DIAPH2: variants seen among roughly 807,000 people sequenced by gnomAD.
DIAPH2 encodes the protein protein diaphanous homolog 2.
Under a neutral mutation model 92.7 loss-of-function variants are expected in DIAPH2, and 35 were observed. The ratio of observed to expected loss-of-function variants is 0.38; its 90% CI spans 0.29 to 0.50. The LOEUF (loss-of-function observed/expected upper bound fraction) is 0.50, where lower values mean the gene tolerates loss of function less well. Among genes scored for constraint, DIAPH2 ranks in the 20% least tolerant of loss-of-function variants. The probability of loss-of-function intolerance (pLI) is 0.94; values close to 1 mark genes in which losing one functional copy is unlikely to be tolerated. For synonymous variants in DIAPH2, 301 were observed against 280.4 expected (o/e 1.07, Z -0.73); for missense variants, 701 against 819.5 (o/e 0.86, Z 1.77).
chrX:96,952,368 T>A (rs1336090749), intron 15 of DIAPH2, among the ~76,000 whole-genome samples: 1 of 112,045 alleles, frequency 8.9e-6, no homozygotes, highest in South Asian at 3.7e-4. Context: ...CTATGAGTGT[T>A]AGTTTTAATA....
chrX:97,236,339 T>C (rs960225219), intron 22 of DIAPH2, among the ~76,000 whole-genome samples: 1 of 111,570 alleles, frequency 9.0e-6, no homozygotes, highest in Non-Finnish European at 1.9e-5. Context: ...TCAACAAGGC[T>C]AACATTATTT....
chrX:97,043,929 G>A (rs1024899477), intron 17 of DIAPH2, among the ~76,000 whole-genome samples: 3 of 111,963 alleles, frequency 2.7e-5, no homozygotes, highest in African/African-American at 6.5e-5. Context: ...CAGAACAACA[G>A]AAATAAGCTT....
intron 10 of DIAPH2, among the ~76,000 whole-genome samples, chrX:96,931,630 G>A (rs970833292): frequency 7.3e-5 from 8 of 110,292 alleles, no homozygotes; most frequent in Admixed American, 3.9e-4. Flanking sequence ...AACAACAAAT[G>A]TCATTGAATG....
At chrX:96,750,703 C>G (rs1049290626) in intron 3 of DIAPH2, among the ~76,000 whole-genome samples, 1 of 112,581 alleles carries the variant, frequency 8.9e-6, no homozygotes, top group Non-Finnish European at 1.9e-5. Context: ...CTAGCAAATA[C>G]TATAAGGTGA....
chrX:97,192,312 AAAG>A (rs1479536750), intron 22 of DIAPH2, among the ~76,000 whole-genome samples: 178 of 91,225 alleles, frequency 2.0e-3, no homozygotes, highest in African/African-American at 0.011. Context: ...AAAAAAAAAA[AAAG>A]AAAAGAAAAG....
chrX:96,813,079 T>C (rs1018854547), intron 4 of DIAPH2, among the ~76,000 whole-genome samples: 2 of 111,539 alleles, frequency 1.8e-5, no homozygotes, highest in Non-Finnish European at 3.8e-5. Flanking sequence ...ATATCCTTGT[T>C]AACCTGCTGT....
chrX:96,930,969 T>G, intron 10 of DIAPH2, 126 bp downstream of exon 10: 1 of 748,838 alleles, frequency 1.3e-6, no homozygotes, highest in Non-Finnish European at 1.8e-6. Flanking sequence ...TTAGACATTT[T>G]GTAAGCTTTT....
At chrX:96,733,227 A>G (rs1022237248) in intron 1 of DIAPH2, among the ~76,000 whole-genome samples, 7 of 112,048 alleles carry the variant, frequency 6.2e-5, no homozygotes, top group Non-Finnish European at 1.3e-4. Context: ...ATTATAGACT[A>G]TGTTAGAACG....
intron 25 of DIAPH2, among the ~76,000 whole-genome samples, chrX:97,395,010 C>T (rs150898699): frequency 3.5e-4 from 39 of 111,865 alleles, no homozygotes; most frequent in African/African-American, 1.2e-3. Flanking sequence ...ACAACAGCAT[C>T]AACCTCGTAG....
At chrX:96,840,493 G>A (rs190735641) in intron 4 of DIAPH2, among the ~76,000 whole-genome samples, 66 of 111,861 alleles carry the variant, frequency 5.9e-4, no homozygotes, top group African/African-American at 2.0e-3. Flanking sequence ...TTCTGCAAGA[G>A]GAAATGAGGC....
chrX:97,437,761 T>TACACACACACAC (rs58161143), intron 26 of DIAPH2, among the ~76,000 whole-genome samples: 3 of 95,731 alleles, frequency 3.1e-5, no homozygotes, highest in African/African-American at 1.1e-4. Flanking sequence ...TACATGATTT[T>TACACACACACAC]ACACACACAC....
At chrX:96,723,628 A>G (rs946885361) in intron 1 of DIAPH2, among the ~76,000 whole-genome samples, 3 of 112,191 alleles carry the variant, frequency 2.7e-5, no homozygotes, top group Non-Finnish European at 3.8e-5. Context: ...TGCGAATTCA[A>G]CCATCATTGA....
chrX:96,879,944 A>T (rs1167188743), intron 4 of DIAPH2, among the ~76,000 whole-genome samples: 3 of 110,984 alleles, frequency 2.7e-5, no homozygotes, highest in Non-Finnish European at 5.7e-5. Context: ...GGCCAGGCTG[A>T]TTTCGAACCC....
intron 4 of DIAPH2, among the ~76,000 whole-genome samples, chrX:96,802,667 TAGTC>T (rs1307006792): frequency 9.0e-6 from 1 of 111,515 alleles, no homozygotes; most frequent in East Asian, 2.8e-4. Context: ...GTGGTTGTAT[TAGTC>T]AGCGTTCTCC....
At position 96,801,286 on chromosome X, in the gene DIAPH2, A is replaced by G. The variant is rs1159769438; in HGVS notation, c.447+43028A>G. ...ATCATGCAGAAATATTTCTTTCTTA[A>G]ATCTTTACTTTAAGCAACAATTGGT... On this transcript the variant is annotated intron_variant, in intron 4 of 26. Coordinates refer to ENST00000324765, the MANE Select transcript of DIAPH2 (RefSeq NM_006729.5). Among the ~76,000 whole-genome samples, 3 of 111,962 alleles carry G rather than the reference A, an allele frequency of 2.7e-5. No individual in the cohort carries two copies. The East Asian group carries it at 8.4e-4, about 31-fold the overall frequency.
chrX:97,432,600 ACT>A (rs2070138777), intron 26 of DIAPH2, among the ~76,000 whole-genome samples: 1 of 111,233 alleles, frequency 9.0e-6, no homozygotes, highest in East Asian at 2.8e-4. Context: ...GATTCTGCTG[ACT>A]CAGCCTCCCG....
intron 21 of DIAPH2, among the ~76,000 whole-genome samples, chrX:97,116,601 CACTGAG>C (rs2067018555): frequency 9.0e-6 from 1 of 111,631 alleles, no homozygotes; most frequent in African/African-American, 3.2e-5. Flanking sequence ...GCTATATGCA[CACTGAG>C]TGAATCTAAA....
At chrX:97,026,793 A>G (rs953015896) in intron 17 of DIAPH2, among the ~76,000 whole-genome samples, 1 of 112,386 alleles carries the variant, frequency 8.9e-6, no homozygotes, top group Non-Finnish European at 1.9e-5. Flanking sequence ...AACAAAATAT[A>G]TTGCTTGGCC....
At position 97,305,840 on chromosome X, in the gene DIAPH2, A is replaced by AT. The variant is rs1449439619; in HGVS notation, c.2845-42276_2845-42275insT. ...CTCCTTCTCCAAAAAAAAAAAAAAA[A>AT]AGAAAGAAAGAAAGAATGGGAAATG... On this transcript the variant is annotated intron_variant, in intron 23 of 26. Coordinates refer to ENST00000324765, the MANE Select transcript of DIAPH2 (RefSeq NM_006729.5). Among the ~76,000 whole-genome samples, 190 of 107,945 alleles carry AT rather than the reference A, an allele frequency of 1.8e-3. 1 individual carries two copies. The highest frequency in any genetic ancestry group is 3.0e-3 in the Non-Finnish European group (158 of 52,244). 93.7% of individuals were successfully genotyped at this position (107,945 alleles called of 115,157 possible). A position where few individuals can be genotyped will look rare whatever the true frequency, so the allele number is the denominator to read the frequency against.
Sources: allele counts gnomAD v4.1 joint callset (sites outside exome capture counted in the v4.1 genomes callset), GRCh38; gene constraint gnomAD v4.1.1; transcripts MANE v1.5; gene names NCBI Gene and HGNC (gene_info 2026-07-23, HGNC 2026-07-21).